The following RUNX2 variants were observed in gnomAD, a reference collection of about 807,000 sequenced individuals.
The protein encoded by RUNX2 is RUNX family transcription factor 2.
A neutral mutation model predicts 51.7 loss-of-function variants in RUNX2; 10 were observed. The observed-to-expected ratio is 0.19, with a 90% CI of 0.12 to 0.33. RUNX2 has a LOEUF of 0.33. RUNX2 is among the 10% of genes least tolerant of loss of function. The pLI, the probability that RUNX2 is intolerant of heterozygous loss-of-function variation, is 1.00. For synonymous variants in RUNX2, 276 were observed against 273.6 expected, an observed-to-expected ratio of 1.01 and a Z score of -0.09; for missense variants, 562 against 691.3, an observed-to-expected ratio of 0.81 and a Z score of 2.10.
At chr6:45,331,192 CTT>C (rs1787437250) in intron 2 of RUNX2, among the ~76,000 whole-genome samples, 1 of 151,914 alleles carries the variant, frequency 6.6e-6, no homozygotes, top group South Asian at 2.1e-4. Flanking sequence ...GCATACTTCA[CTT>C]TGAGTTAATC....
chr6:45,374,011 T>C (rs1206716604), intron 2 of RUNX2, among the ~76,000 whole-genome samples: 1 of 152,220 alleles, frequency 6.6e-6, no homozygotes, highest in Non-Finnish European at 1.5e-5. Flanking sequence ...CAATTCAATA[T>C]AAAAATGTTT....
chr6:45,435,285 T>C (rs1582108828), intron 4 of RUNX2, among the ~76,000 whole-genome samples: 1 of 152,238 alleles, frequency 6.6e-6, no homozygotes, highest in East Asian at 1.9e-4. Context: ...TTTAATATCC[T>C]AAGTAAGTTG....
At chr6:45,332,442 A>G (rs911621870) in intron 2 of RUNX2, among the ~76,000 whole-genome samples, 1 of 151,840 alleles carries the variant, frequency 6.6e-6, no homozygotes, top group African/African-American at 2.4e-5. Context: ...ATGATTAATG[A>G]TGCACCCGTG....
intron 5 of RUNX2, among the ~76,000 whole-genome samples, chr6:45,470,869 GC>G (rs1799780240): frequency 6.6e-6 from 1 of 152,050 alleles, no homozygotes; most frequent in Non-Finnish European, 1.5e-5. Flanking sequence ...TTTTGTGAGG[GC>G]AAAAAAGTTT....
At chr6:45,543,648 G>A (rs568888434) in intron 7 of RUNX2, among the ~76,000 whole-genome samples, 59 of 152,220 alleles carry the variant, frequency 3.9e-4, no homozygotes, top group African/African-American at 1.3e-3. Flanking sequence ...TTTAGTTGAT[G>A]TAACATCCAG....
chr6:45,382,070 CA>C (rs1168160755), intron 2 of RUNX2, among the ~76,000 whole-genome samples: 2 of 152,078 alleles, frequency 1.3e-5, no homozygotes, highest in African/African-American at 2.4e-5. Flanking sequence ...CATGGAATAC[CA>C]GAGTTTCAAA....
chr6:45,488,354 T>A (rs72864614), intron 5 of RUNX2, among the ~76,000 whole-genome samples: 2,608 of 152,164 alleles, frequency 0.017, 38 homozygotes, highest in South Asian at 0.032. Context: ...GAATAAAAAA[T>A]TCTGTTTTGA....
intron 5 of RUNX2, among the ~76,000 whole-genome samples, chr6:45,449,951 T>C (rs992512015): frequency 2.6e-5 from 4 of 152,204 alleles, no homozygotes; most frequent in Non-Finnish European, 4.4e-5. Context: ...AGATCACTCA[T>C]AATTGCATCT....
intron 7 of RUNX2, among the ~76,000 whole-genome samples, chr6:45,534,187 G>A (rs949800747): frequency 6.6e-6 from 1 of 151,812 alleles, no homozygotes; most frequent in African/African-American, 2.4e-5. Flanking sequence ...GAGCCACCAC[G>A]CCCAGACCTC....
intron 7 of RUNX2, among the ~76,000 whole-genome samples, chr6:45,524,748 A>G (rs2150433412): frequency 6.6e-6 from 1 of 152,354 alleles, no homozygotes; most frequent in East Asian, 1.9e-4. Context: ...GGTACTCATC[A>G]TTAAAGAAAA....
intron 6 of RUNX2, among the ~76,000 whole-genome samples, chr6:45,495,288 G>A (rs1262411027): frequency 6.6e-6 from 1 of 152,240 alleles, no homozygotes; most frequent in African/African-American, 2.4e-5. Flanking sequence ...AAGTTCAGGT[G>A]AGAAGCAATC....
intron 5 of RUNX2, among the ~76,000 whole-genome samples, chr6:45,459,338 A>G (rs924370343): frequency 6.6e-6 from 1 of 152,228 alleles, no homozygotes; most frequent in African/African-American, 2.4e-5. Flanking sequence ...GAATTGCTGA[A>G]TATACTTGAA....
Position 45,339,802 on chromosome 6 carries a change from T to G in RUNX2, c.58+11018T>G, listed in dbSNP as rs191971227. Among the ~76,000 whole-genome samples, 557 of 152,334 alleles carry G rather than the reference T, an allele frequency of 3.7e-3. 6 individuals are homozygous for G. Among genetic ancestry groups the G allele is most frequent in the African/African-American group, 0.013 (529 of 41,592 alleles). On this transcript the variant is annotated intron_variant, in intron 2 of 8. Coordinates refer to ENST00000647337, the MANE Select transcript of RUNX2 (RefSeq NM_001024630.4). ...TAGACAACATATTTTGAAAAATCAA[T>G]GTAACTAACATAGTCTATAATTTTT...
At chr6:45,488,647 C>T (rs527652917) in intron 5 of RUNX2, among the ~76,000 whole-genome samples, 1 of 152,100 alleles carries the variant, frequency 6.6e-6, no homozygotes, top group African/African-American at 2.4e-5. Flanking sequence ...TGATATGGGG[C>T]CTGGACATCC....
At chr6:45,450,181 G>A (rs1476630418) in intron 5 of RUNX2, among the ~76,000 whole-genome samples, 1 of 152,154 alleles carries the variant, frequency 6.6e-6, no homozygotes, top group Non-Finnish European at 1.5e-5. Context: ...CAATAGAACC[G>A]ACAATTGTTT....
intron 7 of RUNX2, among the ~76,000 whole-genome samples, chr6:45,514,147 G>A (rs139695602): frequency 2.0e-5 from 3 of 152,258 alleles, no homozygotes; most frequent in Admixed American, 2.0e-4. Flanking sequence ...GGGAGTGATG[G>A]TAGCATTAGA....
chr6:45,422,711 GCAGCAGCAGCAGCAGCAA>G lies in RUNX2; in HGVS notation c.195_212del (p.Gln66_Gln71del), dbSNP rs764217017. 11 of 1,519,974 alleles carry G rather than the reference GCAGCAGCAGCAGCAGCAA, an allele frequency of 7.2e-6. No individual in the cohort carries two copies. Among genetic ancestry groups the G allele is most frequent in the South Asian group, 6.0e-5 (5 of 83,358 alleles). The allele number at this position is 1,519,974 out of a possible 1,614,324, so 94.2% of individuals were successfully genotyped here. On this transcript the variant is annotated inframe_deletion, in exon 3 of 9. Transcript: ENST00000647337. ...AGCAGCAACAGCAGCAGCAGCAACA[GCAGCAGCAGCAGCAGCAA>G]CAGCAGCAGCAGCAGCAGGAGGCGG...
chr6:45,351,692 A>G (rs1208836038), intron 2 of RUNX2, among the ~76,000 whole-genome samples: 2 of 151,822 alleles, frequency 1.3e-5, no homozygotes, highest in Non-Finnish European at 2.9e-5. Context: ...AAATTGATCA[A>G]CTCCATACTT....
intron 2 of RUNX2, among the ~76,000 whole-genome samples, chr6:45,337,069 T>C (rs1168038945): frequency 6.6e-6 from 1 of 151,624 alleles, no homozygotes; most frequent in South Asian, 2.1e-4. Flanking sequence ...AACAATAATA[T>C]AGTGAGAAGC....
Sources: gnomAD v4.1 joint callset for allele counts (sites outside exome capture counted in the v4.1 genomes callset) on GRCh38, gnomAD v4.1.1 for gene constraint, MANE v1.5 for transcripts, NCBI Gene and HGNC (gene_info 2026-07-23, HGNC 2026-07-21) for gene names.